SLC38A12: variants seen among roughly 807,000 people sequenced by gnomAD.
The protein encoded by SLC38A12 is putative sodium-coupled neutral amino acid transporter 12.
At chr17:74,833,310 C>T in the SLC38A12 span, among the ~76,000 whole-genome samples, 3 of 152,258 alleles carry the variant, frequency 2.0e-5, no homozygotes, top group Non-Finnish European at 4.4e-5. Context: ...CCACTGTGCC[C>T]AGCCGCCATG....
At chr17:74,837,567 G>T in the SLC38A12 span, 3 of 985,484 alleles carry the variant, frequency 3.0e-6, no homozygotes, top group Non-Finnish European at 2.4e-6. Context: ...GGGCTCTGAG[G>T]TTCCCACCCT....
At chr17:74,800,900 G>C in the SLC38A12 span, among the ~76,000 whole-genome samples, 1 of 152,214 alleles carries the variant, frequency 6.6e-6, no homozygotes, top group Non-Finnish European at 1.5e-5. Context: ...GGGTTGGCCC[G>C]TCTAGAAACG....
the SLC38A12 span, among the ~76,000 whole-genome samples, chr17:74,790,793 G>T: frequency 6.9e-6 from 1 of 144,624 alleles, no homozygotes; most frequent in Non-Finnish European, 1.5e-5. Context: ...AAAAAAAAAA[G>T]ACTGTGTTAA....
At chr17:74,837,512 C>G in the SLC38A12 span, 1 of 985,356 alleles carries the variant, frequency 1.0e-6, no homozygotes, top group African/African-American at 1.7e-5. Flanking sequence ...GGGAAGCCAT[C>G]CCCACCTGGC....
At chr17:74,803,958 T>A in the SLC38A12 span, among the ~76,000 whole-genome samples, 1 of 152,266 alleles carries the variant, frequency 6.6e-6, no homozygotes, top group South Asian at 2.1e-4. Context: ...CTCCATAGTC[T>A]GTGGAATCTA....
chr17:74,834,347 G>T, the SLC38A12 span, among the ~76,000 whole-genome samples: 2 of 152,074 alleles, frequency 1.3e-5, no homozygotes, highest in Non-Finnish European at 2.9e-5. Flanking sequence ...CAGGAGTGGC[G>T]GGGACTGGAG....
chr17:74,836,557 G>A, the SLC38A12 span: 6 of 1,613,244 alleles, frequency 3.7e-6, no homozygotes, highest in Non-Finnish European at 5.1e-6. This position sits in a 1 kb window ranked among gnomAD's most constrained non-coding sequence, Gnocchi z 4.2. Context: ...CTGGCCTTTG[G>A]CTGTGGGGTC....
chr17:74,783,656 C>G, the SLC38A12 span, among the ~76,000 whole-genome samples: 1 of 152,060 alleles, frequency 6.6e-6, no homozygotes, highest in African/African-American at 2.4e-5. Flanking sequence ...ACTGCCCAGC[C>G]CCTCCTTCTC....
At chr17:74,794,096 G>C in the SLC38A12 span, among the ~76,000 whole-genome samples, 1 of 152,230 alleles carries the variant, frequency 6.6e-6, no homozygotes, top group African/African-American at 2.4e-5. Context: ...TGTCTGAGCA[G>C]TAACCCTTAG....
At chr17:74,784,112 C>T in the SLC38A12 span, among the ~76,000 whole-genome samples, 4 of 151,296 alleles carry the variant, frequency 2.6e-5, no homozygotes, top group Admixed American at 6.6e-5. Context: ...ACAAATTCAG[C>T]ATGTGGCTAT....
At chr17:74,814,007 T>C in the SLC38A12 span, among the ~76,000 whole-genome samples, 9 of 152,222 alleles carry the variant, frequency 5.9e-5, no homozygotes, top group Non-Finnish European at 1.3e-4. Flanking sequence ...GTAAGCATTT[T>C]GGTGGGTGGC....
chr17:74,808,634 C>T, the SLC38A12 span, among the ~76,000 whole-genome samples: 1 of 152,164 alleles, frequency 6.6e-6, no homozygotes. Flanking sequence ...GGGAAGGGCT[C>T]CAGGTAGAGA....
chr17:74,824,826 A>G, the SLC38A12 span, among the ~76,000 whole-genome samples: 1 of 151,274 alleles, frequency 6.6e-6, no homozygotes, highest in African/African-American at 2.4e-5. Context: ...CACTCTCTCC[A>G]CCTCCCTCAG....
chr17:74,781,335 T>C, the SLC38A12 span, among the ~76,000 whole-genome samples: 5 of 152,186 alleles, frequency 3.3e-5, no homozygotes, highest in African/African-American at 1.2e-4. Context: ...TCTCACTGTG[T>C]CACCCAGTGA....
At chr17:74,800,649 G>A in the SLC38A12 span, among the ~76,000 whole-genome samples, 3 of 152,252 alleles carry the variant, frequency 2.0e-5, no homozygotes, top group African/African-American at 7.2e-5. Flanking sequence ...TGACTTCACT[G>A]GACTTGGAGA....
the SLC38A12 span, among the ~76,000 whole-genome samples, chr17:74,776,732 G>A: frequency 6.6e-6 from 1 of 152,334 alleles, no homozygotes; most frequent in South Asian, 2.1e-4. Context: ...AGGGAGCTTT[G>A]AGGGTGGGGA....
At chr17:74,821,888 T>C in the SLC38A12 span, among the ~76,000 whole-genome samples, 1 of 152,112 alleles carries the variant, frequency 6.6e-6, no homozygotes, top group Non-Finnish European at 1.5e-5. Flanking sequence ...GGCACTGGCA[T>C]GGAGAAAGCT....
At chr17:74,836,764 G>A in the SLC38A12 span, 1 of 1,504,678 alleles carries the variant, frequency 6.6e-7, no homozygotes, top group Non-Finnish European at 8.8e-7. This position sits in a 1 kb window ranked among gnomAD's most constrained non-coding sequence, Gnocchi z 4.2. Flanking sequence ...CCCAGATTTA[G>A]TTGCTCCCAG....
chr17:74,804,289 C>T, the SLC38A12 span, among the ~76,000 whole-genome samples: 5 of 152,258 alleles, frequency 3.3e-5, no homozygotes, highest in African/African-American at 4.8e-5. Flanking sequence ...CGTGATCCTT[C>T]GTGTGGCCAG....
Sources: allele counts gnomAD v4.1 joint callset (sites outside exome capture counted in the v4.1 genomes callset), GRCh38; gene constraint gnomAD v4.1.1; non-coding constraint Gnocchi (gnomAD v3.1); transcripts MANE v1.5; gene names NCBI Gene and HGNC (gene_info 2026-07-23, HGNC 2026-07-21).